The following CPD variants were observed in gnomAD, a reference collection of about 807,000 sequenced individuals.
CPD encodes carboxypeptidase D, also known as metallocarboxypeptidase D.
Under a neutral mutation model 138.3 loss-of-function variants are expected in CPD, and 69 were observed. That is an observed-to-expected ratio of 0.50 (90% CI 0.41 to 0.61). CPD has a LOEUF of 0.61. Among genes scored for constraint, CPD ranks in the 20% least tolerant of loss-of-function variants. CPD has a pLI of 0.00. For synonymous variants in CPD, 651 were observed against 642.1 expected, an observed-to-expected ratio of 1.01 and a Z score of -0.21; for missense variants, 1,432 against 1,733.3, an observed-to-expected ratio of 0.83 and a Z score of 3.09.
chr17:30,456,204 G>A, intron 15 of CPD, 52 bp from the exon 16 acceptor site: 1 of 1,451,072 alleles, frequency 6.9e-7, no homozygotes. Flanking sequence ...TAACTTGGGG[G>A]AAAAAAATCA....
chr17:30,466,821 C>T lies in CPD; in HGVS notation c.*2007C>T, dbSNP rs965973465. 2.0e-5 allele frequency: 3 copies of T among 152,320 alleles called. No individual in the cohort carries two copies. Among genetic ancestry groups the T allele is most frequent in the South Asian group, 2.1e-4 (1 of 4,830 alleles). The allele number at this position is 152,320 out of a possible 1,614,324, so 9.4% of individuals were successfully genotyped here. ...TGGATCAAATATGTCTTTAACTGTA[C>T]ATCTCAGTGGCTGGAGGCCATGCCT... On this transcript the variant is annotated 3_prime_UTR_variant, in exon 21 of 21. Transcript: ENST00000225719.
At chr17:30,386,018 A>G (rs1333222129) in intron 2 of CPD, among the ~76,000 whole-genome samples, 4 of 151,864 alleles carry the variant, frequency 2.6e-5, no homozygotes, top group Non-Finnish European at 5.9e-5. Context: ...AGGTCTCTCC[A>G]TTTAAATTTA....
chr17:30,459,759 A>G (rs891624898), intron 17 of CPD, among the ~76,000 whole-genome samples: 9 of 152,194 alleles, frequency 5.9e-5, no homozygotes, highest in African/African-American at 2.2e-4. Context: ...CATCTCTACA[A>G]TATTGTCCTC....
intron 18 of CPD, 72 bp downstream of exon 18, chr17:30,461,383 GT>G (rs1379560085): frequency 6.7e-6 from 8 of 1,193,078 alleles, no homozygotes; most frequent in Non-Finnish European, 8.9e-6. Context: ...TCAAAACATT[GT>G]CTTTTACCAA....
At chr17:30,380,783 A>G (rs1379656937) in intron 1 of CPD, 2 of 574,718 alleles carry the variant, frequency 3.5e-6, no homozygotes, top group East Asian at 3.2e-5. Context: ...TTCAGCAAAA[A>G]GGAGAGGAAT....
intron 2 of CPD, among the ~76,000 whole-genome samples, chr17:30,417,070 C>G (rs909531763): frequency 1.1e-4 from 16 of 151,380 alleles, no homozygotes; most frequent in African/African-American, 3.7e-4. Context: ...CCACTGCACT[C>G]CAGCCTGGTG....
At chr17:30,421,609 T>G in intron 3 of CPD, 55 bp from the exon 4 acceptor site, 1 of 1,516,654 alleles carries the variant, frequency 6.6e-7, no homozygotes. Flanking sequence ...AGAGAAATTA[T>G]GCGCTCTTGC....
At position 30,461,866 on chromosome 17, in the gene CPD, C is replaced by G. The variant is rs779524785; in HGVS notation, c.3631-11C>G. The G allele has an allele frequency of 6.3e-7, 1 of 1,576,874 alleles. No individual in the cohort carries two copies. The highest frequency in any genetic ancestry group is 8.6e-7 in the Non-Finnish European group (1 of 1,161,976). ...TGACAACATAAATTTATATTTTAAA[C>G]ATTTTTTCAGGTTCACAAGGGAGTT... On this transcript the variant is annotated splice_polypyrimidine_tract_variant and intron_variant, in intron 18 of 20. Coordinates refer to ENST00000225719, the MANE Select transcript of CPD (RefSeq NM_001304.5).
In CPD at chr17:30,439,518, A is replaced by G. The variant is rs973898450; in HGVS notation, c.2230+441A>G. Among the ~76,000 whole-genome samples the G allele has an allele frequency of 4.7e-5, 6 of 127,990 alleles. No individual in the cohort carries two copies. The East Asian group carries it at 1.3e-3, about 27-fold the overall frequency. 84.0% of individuals were successfully genotyped at this position (127,990 alleles called of 152,430 possible). A position where few individuals can be genotyped will look rare whatever the true frequency, so the allele number is the denominator to read the frequency against. On this transcript the variant is annotated intron_variant, in intron 9 of 20. Transcript: ENST00000225719. The stretch of plus-strand genomic sequence containing the variant: ...GGTGCGCTGCACCCACTAACTCGTC[A>G]TCTAGCATTAGGTATATCTCCCAAT...
chr17:30,395,027 TG>T (rs1283301035), intron 2 of CPD, among the ~76,000 whole-genome samples: 3 of 151,926 alleles, frequency 2.0e-5, no homozygotes, highest in African/African-American at 7.3e-5. Flanking sequence ...TTCTAGAGCT[TG>T]GGAGAGAGGT....
At chr17:30,391,058 G>A (rs1222016167) in intron 2 of CPD, among the ~76,000 whole-genome samples, 1 of 150,886 alleles carries the variant, frequency 6.6e-6, no homozygotes, top group African/African-American at 2.4e-5. Context: ...TTGAATTCCA[G>A]ACCTCAAGTG....
intron 2 of CPD, among the ~76,000 whole-genome samples, chr17:30,411,977 T>C (rs1009877168): frequency 1.3e-5 from 2 of 152,238 alleles, no homozygotes; most frequent in Non-Finnish European, 2.9e-5. Flanking sequence ...CAGCCCTGGT[T>C]TCTCCCTATC....
intron 2 of CPD, among the ~76,000 whole-genome samples, chr17:30,391,526 C>A (rs1214345207): frequency 2.6e-5 from 4 of 152,108 alleles, no homozygotes; most frequent in Non-Finnish European, 4.4e-5. Flanking sequence ...TAGAAGTTTT[C>A]TTGGGCAGAA....
chr17:30,402,803 C>T (rs1911709675), intron 2 of CPD, among the ~76,000 whole-genome samples: 1 of 152,026 alleles, frequency 6.6e-6, no homozygotes, highest in Non-Finnish European at 1.5e-5. Context: ...TGTTTAAATC[C>T]TATTAAAACA....
In CPD at chr17:30,469,481, A is replaced by G. The variant is rs1364510264; in HGVS notation, c.*4667A>G. On this transcript the variant is annotated 3_prime_UTR_variant, in exon 21 of 21. Transcript: ENST00000225719. ...TAATGTTAGCAAAGGTCCCAACATA[A>G]TATTTGACTTGGAATTGAATGCCCA... is the stretch of plus-strand genomic sequence containing the variant. 3 of 151,608 alleles carry G rather than the reference A, an allele frequency of 2.0e-5. No homozygotes were observed. The highest frequency in any genetic ancestry group is 7.2e-5 in the African/African-American group (3 of 41,434). The allele number at this position is 151,608 out of a possible 1,614,324, so 9.4% of individuals were successfully genotyped here. A position where few individuals can be genotyped will look rare whatever the true frequency, so the allele number is the denominator to read the frequency against.
At chr17:30,448,414 A>G (rs1240562334) in intron 12 of CPD, among the ~76,000 whole-genome samples, 1 of 152,190 alleles carries the variant, frequency 6.6e-6, no homozygotes, top group Non-Finnish European at 1.5e-5. Flanking sequence ...TAGTTGATTT[A>G]ATTTTTTTAA....
At chr17:30,449,994 C>T (rs991940567) in intron 13 of CPD, among the ~76,000 whole-genome samples, 1 of 151,448 alleles carries the variant, frequency 6.6e-6, no homozygotes, top group African/African-American at 2.4e-5. Context: ...AATTTACATT[C>T]AATTTCCTAC....
intron 14 of CPD, chr17:30,454,007 G>T (rs1160576539): frequency 6.6e-6 from 1 of 152,180 alleles, no homozygotes; most frequent in Non-Finnish European, 1.5e-5. Context: ...CACAAAACCA[G>T]TTTTTCCTCC....
chr17:30,402,073 C>T (rs4366762), intron 2 of CPD, among the ~76,000 whole-genome samples: 10,098 of 142,600 alleles, frequency 0.071, 382 homozygotes, highest in African/African-American at 0.095. Context: ...TTTCTTCTTT[C>T]TCTGTTATTC....
Sources: allele counts gnomAD v4.1 joint callset (sites outside exome capture counted in the v4.1 genomes callset), GRCh38; gene constraint gnomAD v4.1.1; transcripts MANE v1.5; gene names NCBI Gene and HGNC (gene_info 2026-07-23, HGNC 2026-07-21).